EXTL3: variants seen among roughly 807,000 people sequenced by gnomAD.
The protein encoded by EXTL3 is exostosin like glycosyltransferase 3, also known as exostosin-like 3.
A neutral mutation model predicts 69.3 loss-of-function variants in EXTL3; 27 were observed. That is an observed-to-expected ratio of 0.39 (90% CI 0.29 to 0.54). The LOEUF is 0.54. Ranked by LOEUF, EXTL3 falls within the 20% of genes least tolerant of loss-of-function variation. The pLI is 0.69. For synonymous variants in EXTL3, 511 were observed against 499.4 expected (o/e 1.02, Z -0.31); for missense variants, 1,003 against 1,231.8 (o/e 0.81, Z 2.78).
intron 1 of EXTL3, among the ~76,000 whole-genome samples, chr8:28,646,078 T>C (rs1806825755): frequency 6.6e-6 from 1 of 152,148 alleles, no homozygotes; most frequent in African/African-American, 2.4e-5. Context: ...CTCATTCTGG[T>C]CTTGAACTCC....
chr8:28,671,309 G>GTTTTTTTTTT (rs749395423), intron 1 of EXTL3, among the ~76,000 whole-genome samples: 6 of 89,592 alleles, frequency 6.7e-5, no homozygotes, highest in Admixed American at 2.5e-4. Context: ...TTTGTTTTTT[G>GTTTTTTTTTT]TTTTTTTTTT....
At chr8:28,731,773 C>T (rs145531038) in intron 4 of EXTL3, among the ~76,000 whole-genome samples, 120 of 151,922 alleles carry the variant, frequency 7.9e-4, no homozygotes, top group Non-Finnish European at 1.4e-3. Flanking sequence ...TGTGTTGGAG[C>T]AATGGAACAG....
At chr8:28,631,488 C>G (rs1176288270) in intron 1 of EXTL3, 1 of 152,144 alleles carries the variant, frequency 6.6e-6, no homozygotes, top group Non-Finnish European at 1.5e-5. Flanking sequence ...GGCAGAGGAT[C>G]CCTTGGCATG....
chr8:28,718,337 C>A, intron 3 of EXTL3, 130 bp downstream of exon 3: 1 of 923,536 alleles, frequency 1.1e-6, no homozygotes, highest in Non-Finnish European at 1.7e-6. Flanking sequence ...TCATGAAAAA[C>A]CTGTATAGAT....
At chr8:28,708,169 C>G (rs1428237893) in intron 1 of EXTL3, among the ~76,000 whole-genome samples, 1 of 152,200 alleles carries the variant, frequency 6.6e-6, no homozygotes, top group East Asian at 1.9e-4. Flanking sequence ...AACTCTGGTT[C>G]TCTGGTTGCA....
chr8:28,655,214 G>T (rs1378645046), intron 1 of EXTL3, among the ~76,000 whole-genome samples: 1 of 152,172 alleles, frequency 6.6e-6, no homozygotes, highest in African/African-American at 2.4e-5. Context: ...GGGAGGCCAA[G>T]GTGGGAGGAT....
chr8:28,680,118 T>G (rs1157982895), intron 1 of EXTL3, among the ~76,000 whole-genome samples: 1 of 151,762 alleles, frequency 6.6e-6, no homozygotes, highest in East Asian at 1.9e-4. Context: ...TCAGCCGGGC[T>G]CGGTGGCTTA....
chr8:28,711,570 G>T (rs1332122131), intron 1 of EXTL3, among the ~76,000 whole-genome samples: 1 of 152,146 alleles, frequency 6.6e-6, no homozygotes, highest in African/African-American at 2.4e-5. Flanking sequence ...GGGAGATTAT[G>T]TAACATTCCC....
At chr8:28,686,581 C>T (rs1400795016) in intron 1 of EXTL3, among the ~76,000 whole-genome samples, 1 of 152,062 alleles carries the variant, frequency 6.6e-6, no homozygotes, top group African/African-American at 2.4e-5. Context: ...GCAGCTGGAA[C>T]TTACCACTTA....
At chr8:28,656,997 A>T (rs1807022348) in intron 1 of EXTL3, among the ~76,000 whole-genome samples, 1 of 151,556 alleles carries the variant, frequency 6.6e-6, no homozygotes, top group South Asian at 2.1e-4. Context: ...CAGTGGCATG[A>T]TCTTGGCTCA....
chr8:28,736,668 C>T (rs1296207945), intron 4 of EXTL3, among the ~76,000 whole-genome samples: 2 of 152,178 alleles, frequency 1.3e-5, no homozygotes, highest in East Asian at 3.8e-4. Flanking sequence ...TGTGGTTAAA[C>T]CAGTGCTCTC....
At chr8:28,735,992 TG>T (rs1371444809) in intron 4 of EXTL3, among the ~76,000 whole-genome samples, 3 of 152,194 alleles carry the variant, frequency 2.0e-5, no homozygotes, top group East Asian at 3.9e-4. Context: ...TGCCGGGCTG[TG>T]GGAAGGTGGG....
chr8:28,731,169 T>G, intron 3 of EXTL3, 54 bp from the exon 4 acceptor site: 6 of 1,612,976 alleles, frequency 3.7e-6, no homozygotes, highest in Non-Finnish European at 5.1e-6. Context: ...CAGATTTTGT[T>G]TGGCCTTTCA....
intron 1 of EXTL3, among the ~76,000 whole-genome samples, chr8:28,626,275 G>A (rs941165290): frequency 5.9e-4 from 89 of 152,134 alleles, no homozygotes; most frequent in African/African-American, 2.0e-3. Flanking sequence ...GAAAGAGGAC[G>A]GGGTCACACC....
intron 1 of EXTL3, among the ~76,000 whole-genome samples, chr8:28,664,232 G>A (rs1036603692): frequency 6.6e-6 from 1 of 152,216 alleles, no homozygotes; most frequent in Non-Finnish European, 1.5e-5. Flanking sequence ...CTGGAGGATG[G>A]AAGTCTGGGA....
intron 1 of EXTL3, among the ~76,000 whole-genome samples, chr8:28,669,806 C>T (rs1429634951): frequency 6.6e-6 from 1 of 152,210 alleles, no homozygotes; most frequent in Non-Finnish European, 1.5e-5. Context: ...CAGCAAGCCT[C>T]AACCTTGGCT....
intron 1 of EXTL3, among the ~76,000 whole-genome samples, chr8:28,637,768 A>G (rs975570016): frequency 3.3e-5 from 5 of 152,024 alleles, no homozygotes; most frequent in African/African-American, 7.2e-5. Context: ...CATCTCATCC[A>G]TCAAAATCCG....
Position 28,656,676 on chromosome 8 carries a change from T to A in EXTL3, c.-53+33866T>A, listed in dbSNP as rs183329904. 5.3e-5 allele frequency among the ~76,000 whole-genome samples: 8 copies of A among 152,242 alleles called. No individual in the cohort carries two copies. The East Asian group carries it at 1.4e-3, about 26-fold the overall frequency. ...TTTTTCAAGTATTCAGGGGCTTGAT[T>A]TTGCATCTAATTTTACTGACTTCAT... On this transcript the variant is annotated intron_variant, in intron 1 of 6. Transcript: ENST00000523149.
intron 2 of EXTL3, among the ~76,000 whole-genome samples, chr8:28,615,082 T>C (rs1303067381): frequency 1.3e-5 from 2 of 151,984 alleles, no homozygotes; most frequent in Non-Finnish European, 2.9e-5. Context: ...GCTATTGATT[T>C]CTAGTTAAAT....
Sources: allele counts gnomAD v4.1 joint callset (sites outside exome capture counted in the v4.1 genomes callset), GRCh38; gene constraint gnomAD v4.1.1; transcripts MANE v1.5; gene names NCBI Gene and HGNC (gene_info 2026-07-23, HGNC 2026-07-21).